The following KCTD8 variants were observed in gnomAD, a reference collection of about 807,000 sequenced individuals.
KCTD8 encodes BTB/POZ domain-containing protein KCTD8.
A neutral mutation model predicts 31.5 loss-of-function variants in KCTD8; 27 were observed. That is an observed-to-expected ratio of 0.86 (90% CI 0.63 to 1.18). The LOEUF is 1.18. Among genes scored for constraint, KCTD8 ranks in the 50% most tolerant of loss-of-function variants. KCTD8 has a pLI of 0.00. For missense variants in KCTD8, 658 were observed against 647.7 expected (o/e 1.02, Z -0.17); for synonymous variants, 290 against 280.0 (o/e 1.04, Z -0.36).
intron 1 of KCTD8, among the ~76,000 whole-genome samples, chr4:44,398,364 A>G (rs1446798173): frequency 6.6e-6 from 1 of 152,212 alleles, no homozygotes; most frequent in Non-Finnish European, 1.5e-5. Flanking sequence ...TAGATTCTGT[A>G]TGCCACTTCT....
chr4:44,393,503 A>G (rs1184173145), intron 1 of KCTD8, among the ~76,000 whole-genome samples: 1 of 151,492 alleles, frequency 6.6e-6, no homozygotes, highest in East Asian at 1.9e-4. Context: ...AAACAGAACA[A>G]CTATGAAAGT....
chr4:44,439,771 A>AT (rs1184175801), intron 1 of KCTD8, among the ~76,000 whole-genome samples: 1 of 152,032 alleles, frequency 6.6e-6, no homozygotes, highest in African/African-American at 2.4e-5. Flanking sequence ...TGCATCTAAG[A>AT]TTTTTTTAAA....
intron 1 of KCTD8, among the ~76,000 whole-genome samples, chr4:44,176,619 A>G (rs1329747350): frequency 1.3e-5 from 2 of 152,252 alleles, no homozygotes; most frequent in Non-Finnish European, 2.9e-5. Context: ...TAGAAGAAAC[A>G]TAAGTCAATG....
At chr4:44,295,502 GA>G (rs1419582288) in intron 1 of KCTD8, among the ~76,000 whole-genome samples, 5 of 146,194 alleles carry the variant, frequency 3.4e-5, no homozygotes, top group Admixed American at 1.4e-4. Flanking sequence ...GGAAAGCAAA[GA>G]AAAAAATGTA....
intron 1 of KCTD8, among the ~76,000 whole-genome samples, chr4:44,276,960 C>G (rs1163897008): frequency 6.6e-6 from 1 of 151,948 alleles, no homozygotes; most frequent in Non-Finnish European, 1.5e-5. Context: ...AAATCCCAGC[C>G]TAGCTACTTA....
At chr4:44,409,352 G>C (rs910722155) in intron 1 of KCTD8, among the ~76,000 whole-genome samples, 1 of 152,050 alleles carries the variant, frequency 6.6e-6, no homozygotes, top group African/African-American at 2.4e-5. Context: ...GGAAAAATCT[G>C]TGGCTTTTTC....
chr4:44,190,175 C>T (rs896985191), intron 1 of KCTD8, among the ~76,000 whole-genome samples: 1 of 152,188 alleles, frequency 6.6e-6, no homozygotes, highest in Non-Finnish European at 1.5e-5. Flanking sequence ...TATTATAGCA[C>T]CTGTTCTCAG....
chr4:44,305,717 G>A (rs1196211814), intron 1 of KCTD8, among the ~76,000 whole-genome samples: 2 of 151,730 alleles, frequency 1.3e-5, no homozygotes, highest in East Asian at 3.9e-4. Context: ...GATTGATATA[G>A]TATATGTGTG....
intron 1 of KCTD8, among the ~76,000 whole-genome samples, chr4:44,255,283 G>A (rs1577577392): frequency 6.6e-6 from 1 of 151,818 alleles, no homozygotes; most frequent in East Asian, 1.9e-4. Flanking sequence ...AAGCCCCTAG[G>A]GCTGAAATAT....
At chr4:44,231,245 T>C (rs1468247314) in intron 1 of KCTD8, among the ~76,000 whole-genome samples, 1 of 152,180 alleles carries the variant, frequency 6.6e-6, no homozygotes, top group Non-Finnish European at 1.5e-5. Flanking sequence ...CCCCAGGCCC[T>C]ATCTCTGATT....
Position 44,175,306 on chromosome 4 carries a change from A to G in KCTD8, c.962-56T>C, listed in dbSNP as rs1713177806. 4 of 1,073,956 alleles carry G rather than the reference A, an allele frequency of 3.7e-6. No homozygotes were observed. In the South Asian group the frequency reaches 7.0e-5, roughly 19 times the overall value. The allele number at this position is 1,073,956 out of a possible 1,614,324, so 66.5% of individuals were successfully genotyped here. A position where few individuals can be genotyped will look rare whatever the true frequency, so the allele number is the denominator to read the frequency against. On this transcript the variant is annotated intron_variant, in intron 1 of 1. Transcript: ENST00000360029. ...TAGAACAGTTGAATAAGAAGTGTGA[A>G]GGTAAAATTAAATGAACTCTATATT...
chr4:44,281,024 T>C (rs1258003616), intron 1 of KCTD8, among the ~76,000 whole-genome samples: 1 of 152,024 alleles, frequency 6.6e-6, no homozygotes, highest in Non-Finnish European at 1.5e-5. Context: ...AGATTAAAAA[T>C]TCCTGGATCC....
chr4:44,426,695 T>C (rs1721357408), intron 1 of KCTD8, among the ~76,000 whole-genome samples: 1 of 151,860 alleles, frequency 6.6e-6, no homozygotes, highest in Admixed American at 6.6e-5. Context: ...ATTAAAGAAC[T>C]TGAAAAGGCA....
chr4:44,181,587 G>C (rs550770604), intron 1 of KCTD8, among the ~76,000 whole-genome samples: 7 of 152,116 alleles, frequency 4.6e-5, no homozygotes, highest in African/African-American at 1.7e-4. Flanking sequence ...GCGTGATCTC[G>C]GCTAGCTACA....
intron 1 of KCTD8, among the ~76,000 whole-genome samples, chr4:44,361,406 C>G (rs1232218370): frequency 1.3e-5 from 2 of 151,846 alleles, no homozygotes; most frequent in Non-Finnish European, 2.9e-5. Flanking sequence ...TACAATGGAG[C>G]CTTCGGTGTT....
At chr4:44,232,242 A>T (rs1369572613) in intron 1 of KCTD8, among the ~76,000 whole-genome samples, 1 of 152,122 alleles carries the variant, frequency 6.6e-6, no homozygotes, top group Non-Finnish European at 1.5e-5. Flanking sequence ...CTCTGCCTCA[A>T]ATGGTCCTGC....
intron 1 of KCTD8, among the ~76,000 whole-genome samples, chr4:44,332,662 G>A (rs1319537502): frequency 2.0e-5 from 3 of 151,826 alleles, no homozygotes. Context: ...AAGTTTAAAT[G>A]AAAGAGAAAT....
intron 1 of KCTD8, among the ~76,000 whole-genome samples, chr4:44,245,921 TAA>T (rs1292700254): frequency 7.9e-5 from 12 of 152,098 alleles, no homozygotes; most frequent in African/African-American, 2.7e-4. Context: ...AATTTTTTTA[TAA>T]GTTTCTGATA....
intron 1 of KCTD8, among the ~76,000 whole-genome samples, chr4:44,187,764 G>C (rs1340779904): frequency 6.6e-6 from 1 of 152,086 alleles, no homozygotes. Context: ...GGCTCCGGGA[G>C]GGAAAAAGAA....
Sources: gnomAD v4.1 joint callset for allele counts (sites outside exome capture counted in the v4.1 genomes callset) on GRCh38, gnomAD v4.1.1 for gene constraint, MANE v1.5 for transcripts, NCBI Gene and HGNC (gene_info 2026-07-23, HGNC 2026-07-21) for gene names.